ATG7: variants seen among roughly 807,000 people sequenced by gnomAD.
ATG7 encodes ubiquitin-like modifier-activating enzyme ATG7.
Under a neutral mutation model 82.4 loss-of-function variants are expected in ATG7, and 70 were observed. That is an observed-to-expected ratio of 0.85 (90% CI 0.70 to 1.04). The LOEUF (loss-of-function observed/expected upper bound fraction) is 1.04, where lower values mean the gene tolerates loss of function less well. Among genes scored for constraint, ATG7 ranks in the 50% least tolerant of loss-of-function variants. The probability of loss-of-function intolerance (pLI) is 0.00; values close to 1 mark genes in which losing one functional copy is unlikely to be tolerated. For missense variants in ATG7, 792 were observed against 864.3 expected (o/e 0.92, Z 1.05); for synonymous variants, 287 against 313.0 (o/e 0.92, Z 0.88).
At chr3:11,534,916 G>A (rs922422917) in intron 20 of ATG7, among the ~76,000 whole-genome samples, 8 of 152,232 alleles carry the variant, frequency 5.3e-5, no homozygotes, top group Non-Finnish European at 8.8e-5. Context: ...CTGCGGAGGC[G>A]CCTCTGCCTT....
At chr3:11,392,309 A>C (rs1389917351) in intron 19 of ATG7, among the ~76,000 whole-genome samples, 1 of 152,144 alleles carries the variant, frequency 6.6e-6, no homozygotes, top group Non-Finnish European at 1.5e-5. Context: ...AGAATCCAAG[A>C]CAGTGCTGTT....
At chr3:11,475,512 C>T (rs2088054888) in intron 20 of ATG7, among the ~76,000 whole-genome samples, 1 of 152,114 alleles carries the variant, frequency 6.6e-6, no homozygotes, top group Non-Finnish European at 1.5e-5. Flanking sequence ...CTGTTGGGAG[C>T]ACACATCCCA....
rs184083760 is a variant in ATG7, at chr3:11,541,941, G to C, written c.2080-12870G>C. Among the ~76,000 whole-genome samples the C allele has an allele frequency of 2.0e-3, 310 of 152,340 alleles. 1 individual carries two copies. Among genetic ancestry groups the C allele is most frequent in the African/African-American group, 7.2e-3 (300 of 41,576 alleles). ...CATATAAATCATATCTTGAAAGAAA[G>C]CATGTGGGTGCCACAAAAATCACCC... is the stretch of plus-strand genomic sequence containing the variant. On this transcript the variant is annotated intron_variant, in intron 20 of 20. Coordinates refer to ENST00000693202, the MANE Select transcript of ATG7 (RefSeq NM_001349232.2).
chr3:11,278,131 A>G (rs1321337562), intron 1 of ATG7, among the ~76,000 whole-genome samples: 1 of 152,172 alleles, frequency 6.6e-6, no homozygotes, highest in Non-Finnish European at 1.5e-5. Context: ...CACTGATTTC[A>G]TATTGTTTAA....
chr3:11,370,657 G>A (rs999765400), intron 18 of ATG7, among the ~76,000 whole-genome samples: 10 of 151,018 alleles, frequency 6.6e-5, no homozygotes, highest in African/African-American at 1.5e-4. Context: ...GCCTCCCATC[G>A]AGGCCTGGGT....
chr3:11,558,309 A>C, downstream of ATG7: 1 of 604,650 alleles, frequency 1.7e-6, no homozygotes. Context: ...TGAGGCAGGA[A>C]GTAAGGATGC....
At chr3:11,470,836 C>T (rs1417188289) in intron 20 of ATG7, among the ~76,000 whole-genome samples, 1 of 152,184 alleles carries the variant, frequency 6.6e-6, no homozygotes, top group African/African-American at 2.4e-5. Context: ...GCTCGGACTC[C>T]AAGTCTGAGG....
At chr3:11,375,224 CA>C (rs970818121) in intron 18 of ATG7, among the ~76,000 whole-genome samples, 2 of 151,774 alleles carry the variant, frequency 1.3e-5, no homozygotes, top group Non-Finnish European at 2.9e-5. Flanking sequence ...AACAAATGAA[CA>C]AAAAAACCAG....
intron 19 of ATG7, among the ~76,000 whole-genome samples, chr3:11,382,836 T>C (rs1487231657): frequency 6.6e-6 from 1 of 152,200 alleles, no homozygotes; most frequent in Non-Finnish European, 1.5e-5. Context: ...ATTGGAAGAA[T>C]AGTACAAGGA....
chr3:11,375,732 A>G (rs1375959308), intron 18 of ATG7, among the ~76,000 whole-genome samples: 3 of 152,064 alleles, frequency 2.0e-5, no homozygotes, highest in Non-Finnish European at 4.4e-5. Context: ...GCTAATTTTT[A>G]TATTTTTACT....
intron 20 of ATG7, among the ~76,000 whole-genome samples, chr3:11,448,770 C>CG (rs1363630550): frequency 6.6e-6 from 1 of 152,114 alleles, no homozygotes; most frequent in East Asian, 1.9e-4. Flanking sequence ...CATCAGTAAA[C>CG]GGGGCAGTGG....
intron 20 of ATG7, among the ~76,000 whole-genome samples, chr3:11,481,112 C>T (rs1379356955): frequency 6.6e-6 from 1 of 152,242 alleles, no homozygotes; most frequent in Non-Finnish European, 1.5e-5. Flanking sequence ...CTTCGGCAAG[C>T]ATTTCCCAAG....
chr3:11,407,320 T>C (rs534469499), intron 19 of ATG7, among the ~76,000 whole-genome samples: 1 of 152,340 alleles, frequency 6.6e-6, no homozygotes, highest in African/African-American at 2.4e-5. Flanking sequence ...TTGGTTCCCA[T>C]GGTCTTGGGC....
intron 9 of ATG7, among the ~76,000 whole-genome samples, chr3:11,320,296 T>C (rs1490201751): frequency 6.6e-6 from 1 of 152,126 alleles, no homozygotes; most frequent in African/African-American, 2.4e-5. Flanking sequence ...TCTTCTTTTT[T>C]TTTTTTGAGA....
intron 20 of ATG7, among the ~76,000 whole-genome samples, chr3:11,524,738 G>A (rs2092529178): frequency 6.6e-6 from 1 of 152,162 alleles, no homozygotes; most frequent in Admixed American, 6.6e-5. Flanking sequence ...AGTGAATTAT[G>A]ATCATGCCAC....
intron 19 of ATG7, among the ~76,000 whole-genome samples, chr3:11,394,591 C>T (rs1231563921): frequency 6.6e-6 from 1 of 152,170 alleles, no homozygotes; most frequent in East Asian, 1.9e-4. Flanking sequence ...TGGGTGCTTT[C>T]AAGCCTGAGA....
intron 20 of ATG7, among the ~76,000 whole-genome samples, chr3:11,460,391 G>A (rs1454601712): frequency 2.0e-5 from 3 of 152,208 alleles, no homozygotes; most frequent in African/African-American, 7.2e-5. Context: ...AGAAGACTGT[G>A]TTGAGAAGGG....
intron 4 of ATG7, 151 bp downstream of exon 4, chr3:11,299,006 C>T: frequency 1.2e-6 from 1 of 843,350 alleles, no homozygotes; most frequent in Non-Finnish European, 1.8e-6. Context: ...CTTTTTGATC[C>T]CAGTTCATTT....
chr3:11,318,682 G>T (rs1949782385), intron 9 of ATG7, among the ~76,000 whole-genome samples: 1 of 152,134 alleles, frequency 6.6e-6, no homozygotes, highest in Admixed American at 6.5e-5. Flanking sequence ...GGCGTTTGAG[G>T]TCTCTTCAGT....
Sources: gnomAD v4.1 joint callset for allele counts (sites outside exome capture counted in the v4.1 genomes callset) on GRCh38, gnomAD v4.1.1 for gene constraint, MANE v1.5 for transcripts, NCBI Gene and HGNC (gene_info 2026-07-23, HGNC 2026-07-21) for gene names.